CNGB3: variants seen among roughly 807,000 people sequenced by gnomAD.
The protein encoded by CNGB3 is cyclic nucleotide-gated channel beta-3.
In CNGB3, 86 loss-of-function variants were observed where a neutral mutation model predicts 92.8. The ratio of observed to expected loss-of-function variants is 0.93; its 90% CI spans 0.78 to 1.11. The LOEUF is 1.11. CNGB3 is among the 50% of genes least tolerant of loss of function. The pLI is 0.00. For synonymous variants in CNGB3, 333 were observed against 332.7 expected (o/e 1.00, Z -0.01); for missense variants, 1,026 against 956.8 (o/e 1.07, Z -0.95).
Position 86,604,194 on chromosome 8 carries a change from T to C in CNGB3, c.1680A>G (p.Glu560=), listed in dbSNP as rs374391309. 8 of 1,610,876 alleles carry C rather than the reference T, an allele frequency of 5.0e-6. No homozygotes were observed. Among genetic ancestry groups the C allele is most frequent in the Non-Finnish European group, 5.9e-6 (7 of 1,177,184 alleles). The part of the protein sequence containing the change: ...FVCKKGEIGK[E]MYIIKHGEVQ... ...CTTCTCCATGCTTGATGATATACAT[T>C]TCCTTGCCAATTTCTCCCTACATTT... Residue 560 remains glutamate, a synonymous_variant, in exon 15 of 18, where the codon GAA becomes GAG. Transcript: ENST00000320005.
intron 4 of CNGB3, among the ~76,000 whole-genome samples, chr8:86,670,722 G>A (rs373950233): frequency 1.1e-4 from 17 of 152,160 alleles, no homozygotes; most frequent in African/African-American, 3.6e-4. Flanking sequence ...CCAGGTGTGA[G>A]CCACTGCACC....
At chr8:86,736,622 C>G (rs1411841734) in intron 2 of CNGB3, among the ~76,000 whole-genome samples, 1 of 152,222 alleles carries the variant, frequency 6.6e-6, no homozygotes, top group Non-Finnish European at 1.5e-5. Flanking sequence ...GAATGTTTCT[C>G]TCTTCCTCGG....
chr8:86,611,509 TA>T (rs1822519364), intron 14 of CNGB3, 78 bp downstream of exon 14: 5 of 1,176,818 alleles, frequency 4.2e-6, no homozygotes, highest in Admixed American at 1.7e-5. Context: ...AAATTTTGTT[TA>T]AACAATGTTC....
chr8:86,667,701 A>G (rs1460842667), intron 5 of CNGB3, among the ~76,000 whole-genome samples: 1 of 152,204 alleles, frequency 6.6e-6, no homozygotes, highest in Non-Finnish European at 1.5e-5. Context: ...GAAGCCATGG[A>G]AGAAGACTGA....
intron 3 of CNGB3, among the ~76,000 whole-genome samples, chr8:86,676,704 C>G (rs559770909): frequency 6.6e-6 from 1 of 152,192 alleles, no homozygotes; most frequent in East Asian, 1.9e-4. Context: ...TTGTGTCCAC[C>G]TGGAACCTCA....
intron 3 of CNGB3, among the ~76,000 whole-genome samples, chr8:86,712,547 C>A (rs1192441033): frequency 6.6e-6 from 1 of 151,982 alleles, no homozygotes; most frequent in Non-Finnish European, 1.5e-5. Flanking sequence ...TTAAATCCAC[C>A]TTTTTCCTAC....
At position 86,587,408 on chromosome 8, in the gene CNGB3, T is replaced by C. The variant is rs533771116; in HGVS notation, c.1782-8156A>G. Reference sequence around the variant, plus strand: ...TTTGGTGTTTTAGACCTGAAGTCCTTGCCCATGCCTATGTCCTGAATGGTA... The same window carrying C: ...TTTGGTGTTTTAGACCTGAAGTCCTCGCCCATGCCTATGTCCTGAATGGTA... On this transcript the variant is annotated intron_variant, in intron 15 of 17. Transcript: ENST00000320005. 5.0e-4 allele frequency among the ~76,000 whole-genome samples: 76 copies of C among 152,206 alleles called. 1 individual carries two copies. The highest frequency in any genetic ancestry group is 1.8e-3 in the African/African-American group (75 of 41,566).
chr8:86,665,081 G>A (rs2131613328), intron 6 of CNGB3, among the ~76,000 whole-genome samples: 1 of 152,222 alleles, frequency 6.6e-6, no homozygotes, highest in African/African-American at 2.4e-5. Context: ...TATTTGCCTA[G>A]CGGTCACCAT....
intron 4 of CNGB3, 98 bp from the exon 5 acceptor site, chr8:86,668,266 C>T: frequency 1.9e-6 from 2 of 1,050,016 alleles, no homozygotes; most frequent in South Asian, 1.3e-5. Flanking sequence ...TGTTCTCACT[C>T]ATAAGTGGGA....
chr8:86,727,982 A>G (rs987013749), intron 2 of CNGB3, among the ~76,000 whole-genome samples: 2 of 152,188 alleles, frequency 1.3e-5, no homozygotes, highest in African/African-American at 4.8e-5. Flanking sequence ...TCAGGAATAA[A>G]GGAAATCAAA....
chr8:86,643,666 A>G, intron 10 of CNGB3, 85 bp downstream of exon 10: 2 of 1,474,352 alleles, frequency 1.4e-6, no homozygotes, highest in South Asian at 1.1e-5. Context: ...TGACAGCTTC[A>G]AAAACACTGG....
intron 3 of CNGB3, among the ~76,000 whole-genome samples, chr8:86,710,917 A>T (rs890882494): frequency 6.6e-6 from 1 of 152,236 alleles, no homozygotes; most frequent in Non-Finnish European, 1.5e-5. Flanking sequence ...GCCAGATTTT[A>T]TAATGAAATT....
At chr8:86,658,714 C>A in intron 6 of CNGB3, 1 of 441,960 alleles carries the variant, frequency 2.3e-6, no homozygotes, top group South Asian at 2.6e-5. Context: ...ATGTGCTGCT[C>A]CGACTGTGGT....
At chr8:86,682,499 A>G (rs1824100144) in intron 3 of CNGB3, among the ~76,000 whole-genome samples, 1 of 152,158 alleles carries the variant, frequency 6.6e-6, no homozygotes, top group Non-Finnish European at 1.5e-5. Context: ...CAACTCCCCA[A>G]AACAAATATC....
chr8:86,652,996 A>G (rs542365405), intron 7 of CNGB3, among the ~76,000 whole-genome samples: 143 of 152,162 alleles, frequency 9.4e-4, no homozygotes, highest in African/African-American at 3.2e-3. Context: ...CACCAGCATC[A>G]CTGCAAACAG....
In CNGB3 at chr8:86,578,622, G is replaced by A. The variant is rs78742257; in HGVS notation, c.2103+67C>T. 2.7e-3 allele frequency: 3,929 copies of A among 1,456,784 alleles called. 92 individuals are homozygous for A. The African/African-American group carries it at 0.049, about 18-fold the overall frequency. The allele number at this position is 1,456,784 out of a possible 1,614,324, so 90.2% of individuals were successfully genotyped here. Reference sequence around the variant, plus strand: ...TGTCTGAAATGGAATTAGAGTGGGCGTTTGTGTGTATATACTTAGTCTGGG... The same window carrying A: ...TGTCTGAAATGGAATTAGAGTGGGCATTTGTGTGTATATACTTAGTCTGGG... On this transcript the variant is annotated intron_variant, in intron 17 of 17. Coordinates refer to ENST00000320005, the MANE Select transcript of CNGB3 (RefSeq NM_019098.5).
chr8:86,645,339 C>A (rs552831009), intron 8 of CNGB3, among the ~76,000 whole-genome samples: 213 of 151,156 alleles, frequency 1.4e-3, no homozygotes, highest in African/African-American at 5.0e-3. Flanking sequence ...CTTCCTACTT[C>A]CTCTTTTGTT....
intron 13 of CNGB3, among the ~76,000 whole-genome samples, 190 bp downstream of exon 13, chr8:86,625,793 T>TGGCCGGGCGCGGTGGCTCACG (rs1822834637): frequency 6.6e-6 from 1 of 152,176 alleles, no homozygotes; most frequent in Admixed American, 6.6e-5. Flanking sequence ...GAAAGAGGGT[T>TGGCCGGGCGCGGTGGCTCACG]CTAAAGAATA....
chr8:86,604,427 C>A (rs1282833629), intron 14 of CNGB3, among the ~76,000 whole-genome samples: 1 of 152,152 alleles, frequency 6.6e-6, no homozygotes, highest in Non-Finnish European at 1.5e-5. Flanking sequence ...TACTTCTCAA[C>A]ACGTGAGTAC....
Sources: allele counts gnomAD v4.1 joint callset (sites outside exome capture counted in the v4.1 genomes callset), GRCh38; gene constraint gnomAD v4.1.1; transcripts MANE v1.5; gene names NCBI Gene and HGNC (gene_info 2026-07-23, HGNC 2026-07-21).